Variants in PEMT observed in about 807,000 individuals in gnomAD.
PEMT encodes the protein phospholipid methyltransferase.
Under a neutral mutation model 27.4 loss-of-function variants are expected in PEMT, and 23 were observed. The ratio of observed to expected loss-of-function variants is 0.84; its 90% CI spans 0.60 to 1.19. The LOEUF (loss-of-function observed/expected upper bound fraction) is 1.19. Ranked by LOEUF, PEMT falls within the 50% of genes most tolerant of loss-of-function variation. The pLI is 0.00. For missense variants in PEMT, 307 were observed against 310.1 expected, an observed-to-expected ratio of 0.99 and a Z score of 0.07; for synonymous variants, 137 against 139.1, an observed-to-expected ratio of 0.98 and a Z score of 0.11.
At chr17:17,518,249 G>T (rs764155192) in intron 3 of PEMT, 104 of 786,916 alleles carry the variant, frequency 1.3e-4, no homozygotes, top group Non-Finnish European at 1.4e-4. Context: ...GCCCAGTCCT[G>T]TGAAGCCCGT....
chr17:17,545,027 G>A (rs555432512), intron 2 of PEMT, among the ~76,000 whole-genome samples: 6 of 152,316 alleles, frequency 3.9e-5, no homozygotes, highest in South Asian at 2.1e-4. Flanking sequence ...GGCACTTCCT[G>A]TTCCAAAGGG....
chr17:17,537,687 C>T (rs1009694092), intron 2 of PEMT, among the ~76,000 whole-genome samples: 23 of 152,192 alleles, frequency 1.5e-4, no homozygotes, highest in African/African-American at 4.8e-4. Context: ...AGGAAAGGCC[C>T]GGACCACTCT....
At chr17:17,567,801 AG>A (rs1310819502) in intron 2 of PEMT, among the ~76,000 whole-genome samples, 1 of 152,212 alleles carries the variant, frequency 6.6e-6, no homozygotes, top group Non-Finnish European at 1.5e-5. Context: ...CTCTGCTCAA[AG>A]AAAAACCCTT....
intron 4 of PEMT, among the ~76,000 whole-genome samples, chr17:17,510,193 C>G (rs1681634967): frequency 6.6e-6 from 1 of 152,188 alleles, no homozygotes; most frequent in South Asian, 2.1e-4. Context: ...ACAGCCTGTT[C>G]CAGACAGGCC....
intron 2 of PEMT, among the ~76,000 whole-genome samples, chr17:17,539,005 TTTTTG>T (rs1275894174): frequency 2.0e-5 from 3 of 152,234 alleles, no homozygotes; most frequent in Non-Finnish European, 4.4e-5. Flanking sequence ...GTCAGCCAGC[TTTTTG>T]TTTTGTTTTT....
intron 2 of PEMT, among the ~76,000 whole-genome samples, chr17:17,540,734 C>G (rs1160773062): frequency 6.6e-6 from 1 of 152,216 alleles, no homozygotes; most frequent in African/African-American, 2.4e-5. Context: ...GGTCGTGCAG[C>G]ATGCAGCCTC....
intron 1 of PEMT, among the ~76,000 whole-genome samples, chr17:17,591,231 GACA>G (rs4646338): frequency 0.33 from 50,565 of 151,886 alleles, 9,986 homozygotes; most frequent in Non-Finnish European, 0.46. Context: ...GACTAACACG[GACA>G]ACCTCTGAGT....
At chr17:17,586,242 AAGAAAGAAAG>A (rs1265134598) in intron 1 of PEMT, among the ~76,000 whole-genome samples, 1 of 104,072 alleles carries the variant, frequency 9.6e-6, no homozygotes, top group African/African-American at 4.7e-5. Flanking sequence ...GAAAGAAAGA[AAGAAAGAAAG>A]AAAGAAAGAA....
intron 2 of PEMT, among the ~76,000 whole-genome samples, chr17:17,569,356 G>A (rs2142721334): frequency 6.6e-6 from 1 of 152,324 alleles, no homozygotes; most frequent in African/African-American, 2.4e-5. Flanking sequence ...GTCTTGGGCA[G>A]GGTGCACTGT....
chr17:17,574,613 G>T (rs754924747), intron 2 of PEMT, among the ~76,000 whole-genome samples: 3 of 152,068 alleles, frequency 2.0e-5, no homozygotes, highest in Non-Finnish European at 2.9e-5. Flanking sequence ...GGGCCACCGC[G>T]CCCGGCCAAA....
intron 2 of PEMT, among the ~76,000 whole-genome samples, chr17:17,575,925 C>T (rs1043572212): frequency 6.6e-6 from 1 of 152,220 alleles, no homozygotes; most frequent in African/African-American, 2.4e-5. Flanking sequence ...AAATGAAAAA[C>T]ATGTCCTGTT....
intron 3 of PEMT, among the ~76,000 whole-genome samples, chr17:17,517,259 T>G (rs188367827): frequency 2.7e-4 from 41 of 152,310 alleles, no homozygotes; most frequent in African/African-American, 9.4e-4. Flanking sequence ...TAAGTTTGTG[T>G]GGTTTAAGCC....
In PEMT at chr17:17,528,785, G is replaced by A. The variant is rs527667688; in HGVS notation, c.205-6390C>T. On this transcript the variant is annotated intron_variant, in intron 2 of 6. Transcript: ENST00000255389. ...CAGGGCTCCACTGGCATCAGGAGGT[G>A]GGATTCAGGATCCCCCAGTCCCACT... Among the ~76,000 whole-genome samples the A allele has an allele frequency of 5.1e-4, 77 of 152,322 alleles. 1 individual carries two copies. In the South Asian group the frequency reaches 0.015, roughly 30 times the overall value.
chr17:17,510,405 C>T (rs551172348), intron 4 of PEMT, among the ~76,000 whole-genome samples: 3 of 152,314 alleles, frequency 2.0e-5, no homozygotes, highest in South Asian at 2.1e-4. Context: ...CCTCATTTGT[C>T]TCTCCTCCCA....
intron 1 of PEMT, among the ~76,000 whole-genome samples, chr17:17,585,408 G>A (rs1425929552): frequency 6.6e-6 from 1 of 152,170 alleles, no homozygotes; most frequent in African/African-American, 2.4e-5. Flanking sequence ...CTAAAGGGTG[G>A]AAAAGACAAA....
chr17:17,551,772 A>T (rs1029542863), intron 2 of PEMT, among the ~76,000 whole-genome samples: 7 of 152,200 alleles, frequency 4.6e-5, no homozygotes, highest in Non-Finnish European at 1.0e-4. Flanking sequence ...CGTGTGTCCC[A>T]GCTCTGGTGA....
intron 2 of PEMT, among the ~76,000 whole-genome samples, chr17:17,575,615 G>C (rs1911531823): frequency 6.6e-6 from 1 of 152,222 alleles, no homozygotes; most frequent in Admixed American, 6.5e-5. Flanking sequence ...GGGGCCAGCT[G>C]GGGACGGTGT....
At chr17:17,539,787 C>T (rs1333681216) in intron 2 of PEMT, among the ~76,000 whole-genome samples, 2 of 152,244 alleles carry the variant, frequency 1.3e-5, no homozygotes, top group Admixed American at 6.5e-5. Context: ...TCAAGGCATC[C>T]GGCCTGTGGG....
chr17:17,559,344 A>G (rs766411836), intron 2 of PEMT, among the ~76,000 whole-genome samples: 11 of 152,242 alleles, frequency 7.2e-5, no homozygotes, highest in Admixed American at 2.6e-4. Flanking sequence ...ACAGAAGAGG[A>G]AACTGAGGCT....
Sources: gnomAD v4.1 joint callset for allele counts (sites outside exome capture counted in the v4.1 genomes callset) on GRCh38, gnomAD v4.1.1 for gene constraint, MANE v1.5 for transcripts, NCBI Gene and HGNC (gene_info 2026-07-23, HGNC 2026-07-21) for gene names.